The following TRIM25 variants were observed in gnomAD, a reference collection of about 807,000 sequenced individuals.
TRIM25 encodes the protein tripartite motif containing 25.
TRIM25 carries 45 observed loss-of-function variants against 65.2 expected under a neutral mutation model. The ratio of observed to expected loss-of-function variants is 0.69; its 90% confidence interval spans 0.54 to 0.89. The LOEUF is 0.89. Ranked by LOEUF, TRIM25 falls within the 40% of genes least tolerant of loss-of-function variation. The pLI is 0.00. For missense variants in TRIM25, 714 were observed against 803.7 expected, an observed-to-expected ratio of 0.89 and a Z score of 1.35; for synonymous variants, 321 against 340.4, an observed-to-expected ratio of 0.94 and a Z score of 0.63.
chr17:56,906,298 G>A (rs1164657788), intron 2 of TRIM25, among the ~76,000 whole-genome samples: 3 of 152,174 alleles, frequency 2.0e-5, no homozygotes, highest in Admixed American at 6.5e-5. Context: ...GATGCTGGAA[G>A]CATGCTCTTG....
chr17:56,913,448 C>G lies in TRIM25; in HGVS notation c.541G>C (p.Val181Leu), dbSNP rs755784216. The G allele has an allele frequency of 3.7e-6, 6 of 1,608,632 alleles. No homozygotes were observed. The highest frequency in any genetic ancestry group is 5.1e-6 in the Non-Finnish European group (6 of 1,176,686). ...GCGGGAGAGCAGGTCTTATGCTCCA[C>G]CAGGCAGATGTGGCAGATGCACTCG... ...HSECICHICLVEHKTCSPASL... is the reference protein window; with the variant it reads ...HSECICHICLLEHKTCSPASL... The change falls in exon 1 of 9, where the codon GTG becomes CTG. Residue 181 changes from valine to leucine, a missense_variant. Physicochemically the swap from Val to Leu is conservative, Grantham distance 32 (BLOSUM62 1). Around this residue, in one of 3 missense-constraint regions of TRIM25, gnomAD observed 291 missense variants for 281.8 expected, o/e 1.03. Coordinates refer to ENST00000316881, the MANE Select transcript of TRIM25 (RefSeq NM_005082.5). This position sits in a 1 kb window ranked among gnomAD's most constrained non-coding sequence, Gnocchi z 6.1.
Position 56,891,186 on chromosome 17 carries a change from C to T in TRIM25, c.*514G>A. The stretch of plus-strand genomic sequence containing the variant: ...GTGTTTCCTCAAGCACAGATAATAA[C>T]CAGGAGATCAAGCCCCAACATGCGG... On this transcript the variant is annotated 3_prime_UTR_variant, in exon 9 of 9. Transcript: ENST00000316881. 3 of 346,376 alleles carry T rather than the reference C, an allele frequency of 8.7e-6. No individual in the cohort carries two copies. Among genetic ancestry groups the T allele is most frequent in the South Asian group, 6.6e-5 (3 of 45,536 alleles). The allele number at this position is 346,376 out of a possible 1,614,324, so 21.5% of individuals were successfully genotyped here.
chr17:56,901,446 G>T lies in TRIM25; in HGVS notation c.1060C>A (p.Arg354=). 6.2e-7 allele frequency: 1 copy of T among 1,614,040 alleles called. No individual in the cohort carries two copies. The highest frequency in any genetic ancestry group is 1.1e-5 in the South Asian group (1 of 91,064). The part of the protein sequence containing the change: ...LKNELKQCIG[R]LQEPTPSSGD... ...GAACTGGGGGTGGGCTCCTGGAGCCGCCCGATGCACTGCTTCAGCTCGTTT... is the reference window on the plus strand; with the variant it reads ...GAACTGGGGGTGGGCTCCTGGAGCCTCCCGATGCACTGCTTCAGCTCGTTT... Residue 354 remains arginine, a synonymous_variant, in exon 4 of 9, where the codon CGG becomes AGG. Coordinates refer to ENST00000316881, the MANE Select transcript of TRIM25 (RefSeq NM_005082.5).
intron 1 of TRIM25, among the ~76,000 whole-genome samples, chr17:56,911,368 G>A (rs913796341): frequency 6.6e-5 from 10 of 151,940 alleles, no homozygotes; most frequent in Admixed American, 2.0e-4. Context: ...GATCACAAGG[G>A]CAGGAATTCG....
At chr17:56,896,192 T>C (rs1162586992) in intron 5 of TRIM25, among the ~76,000 whole-genome samples, 1 of 152,178 alleles carries the variant, frequency 6.6e-6, no homozygotes, top group East Asian at 1.9e-4. Flanking sequence ...AAAGGGAAAT[T>C]CTTTATCTTG....
chr17:56,901,078 C>A (rs948344918), intron 4 of TRIM25, among the ~76,000 whole-genome samples: 2 of 152,120 alleles, frequency 1.3e-5, no homozygotes, highest in African/African-American at 4.8e-5. Flanking sequence ...CTAGATTTCT[C>A]CCCCAAACGG....
rs1909160265 is a variant in TRIM25, at chr17:56,891,106, T to G, written c.*594A>C. 2.7e-6 allele frequency: 1 copy of G among 365,016 alleles called. No homozygotes were observed. The highest frequency in any genetic ancestry group is 5.4e-6 in the Non-Finnish European group (1 of 184,494). The allele number at this position is 365,016 out of a possible 1,614,324, so 22.6% of individuals were successfully genotyped here. ...AGGAAGGGAACGCACTATTTTCCAG[T>G]GGAGGAAGAGGGTATGCCTCTTTAG... On this transcript the variant is annotated 3_prime_UTR_variant, in exon 9 of 9. Coordinates refer to ENST00000316881, the MANE Select transcript of TRIM25 (RefSeq NM_005082.5).
intron 2 of TRIM25, among the ~76,000 whole-genome samples, chr17:56,907,596 CAG>C (rs549427476): frequency 5.8e-4 from 88 of 152,256 alleles, no homozygotes; most frequent in African/African-American, 2.0e-3. Flanking sequence ...ATCTGAAAAA[CAG>C]GGGGAACAAA....
Position 56,909,483 on chromosome 17 carries a change from G to A in TRIM25, c.598-920C>T, listed in dbSNP as rs530399684. ...GTGGATCATTTGCTCTCAGGAGTTC[G>A]AGACCAGCTTGGGCAACATGGCAAA... On this transcript the variant is annotated intron_variant, in intron 1 of 8. Transcript: ENST00000316881. Among the ~76,000 whole-genome samples, 139 of 152,160 alleles carry A rather than the reference G, an allele frequency of 9.1e-4. 1 individual carries two copies. Among genetic ancestry groups the A allele is most frequent in the East Asian group, 7.4e-3 (38 of 5,166 alleles).
rs200986947 is a variant in TRIM25 at position 56,900,227 on chromosome 17, T to A, written c.1088-1047A>T. ...AGACTCCGTCTCAAAAAAAAAAAAA[T>A]TTTTTTTTAATTAGCCGGGCATGAT... On this transcript the variant is annotated intron_variant, in intron 4 of 8. Transcript: ENST00000316881. Among the ~76,000 whole-genome samples the A allele has an allele frequency of 1.1e-3, 140 of 133,302 alleles. 1 individual carries two copies. Among genetic ancestry groups the A allele is most frequent in the African/African-American group, 3.6e-3 (116 of 32,374 alleles). The allele number at this position is 133,302 out of a possible 152,430, so 87.5% of individuals were successfully genotyped here.
At chr17:56,909,190 G>A (rs772560112) in intron 1 of TRIM25, among the ~76,000 whole-genome samples, 2 of 151,850 alleles carry the variant, frequency 1.3e-5, no homozygotes, top group African/African-American at 4.8e-5. Flanking sequence ...AGCCAATCAA[G>A]CAGAGGATTA....
chr17:56,899,274 A>T, intron 4 of TRIM25, 94 bp from the exon 5 acceptor site: 1 of 1,279,168 alleles, frequency 7.8e-7, no homozygotes, highest in South Asian at 1.2e-5. Context: ...CAGAGGGTTT[A>T]CACAGACAGC....
intron 2 of TRIM25, among the ~76,000 whole-genome samples, chr17:56,905,672 T>C (rs1302996333): frequency 6.6e-6 from 1 of 152,190 alleles, no homozygotes; most frequent in Non-Finnish European, 1.5e-5. Flanking sequence ...TTAAAATTAA[T>C]CTCAGTCAAG....
intron 2 of TRIM25, among the ~76,000 whole-genome samples, chr17:56,907,984 C>T (rs1909553178): frequency 6.6e-6 from 1 of 152,158 alleles, no homozygotes; most frequent in South Asian, 2.1e-4. Flanking sequence ...AAGGGTTCTC[C>T]CCTAGAGACT....
rs1909223071 is a variant in TRIM25, at chr17:56,893,390, G to A, written c.1364-1161C>T. 2.0e-5 allele frequency among the ~76,000 whole-genome samples: 3 copies of A among 152,194 alleles called. No homozygotes were observed. In the South Asian group the frequency reaches 6.2e-4, roughly 32 times the overall value. On this transcript the variant is annotated intron_variant, in intron 8 of 8. Transcript: ENST00000316881. ...GTGCACAGCAGCTCCTGAAAGACGT[G>A]GCTCAGCACCGCCGCTAGCAGCTTG...
rs563925536 is a variant in TRIM25 at position 56,911,398 on chromosome 17, G to A, written c.597+1994C>T. ...AATTCGAGACCAGCCTGGCCAACAT[G>A]GTGAAACTCAGTCTCTACTAAAAAT... is the stretch of plus-strand genomic sequence containing the variant. On this transcript the variant is annotated intron_variant, in intron 1 of 8. Transcript: ENST00000316881. 2.3e-3 allele frequency among the ~76,000 whole-genome samples: 347 copies of A among 152,122 alleles called. 2 individuals are homozygous for A. Among genetic ancestry groups the A allele is most frequent in the Non-Finnish European group, 4.3e-3 (289 of 67,990 alleles).
chr17:56,892,361 C>T, intron 8 of TRIM25, 132 bp from the exon 9 acceptor site: 4 of 939,976 alleles, frequency 4.3e-6, no homozygotes, highest in Non-Finnish European at 6.3e-6. Context: ...GTCCATCCAT[C>T]CACTCATCTA....
intron 5 of TRIM25, among the ~76,000 whole-genome samples, chr17:56,897,862 C>A (rs1180113557): frequency 6.6e-6 from 1 of 152,148 alleles, no homozygotes; most frequent in South Asian, 2.1e-4. Flanking sequence ...AAGTACCCTT[C>A]GAGGTTTTCC....
chr17:56,892,869 C>A (rs1398128431), intron 8 of TRIM25, among the ~76,000 whole-genome samples: 1 of 152,234 alleles, frequency 6.6e-6, no homozygotes, highest in African/African-American at 2.4e-5. Flanking sequence ...CCATCAGTAA[C>A]AACACCATGA....
Sources: gnomAD v4.1 joint callset for allele counts (sites outside exome capture counted in the v4.1 genomes callset) on GRCh38, gnomAD v4.1.1 for gene constraint, gnomAD v4.1.1 regional missense constraint, Gnocchi (gnomAD v3.1) non-coding constraint, MANE v1.5 for transcripts, NCBI Gene and HGNC (gene_info 2026-07-23, HGNC 2026-07-21) for gene names.